The following MED12L variants were observed in gnomAD, a reference collection of about 807,000 sequenced individuals.
MED12L encodes mediator of RNA polymerase II transcription subunit 12-like protein.
A neutral mutation model predicts 281.3 loss-of-function variants in MED12L; 60 were observed. The observed-to-expected ratio is 0.21, with a 90% CI of 0.17 to 0.26. The LOEUF (loss-of-function observed/expected upper bound fraction) is 0.26. Among genes scored for constraint, MED12L ranks in the 10% least tolerant of loss-of-function variants. The probability of loss-of-function intolerance (pLI) is 1.00; values close to 1 mark genes in which losing one functional copy is unlikely to be tolerated. For synonymous variants in MED12L, 974 were observed against 987.2 expected (o/e 0.99, Z 0.25); for missense variants, 2,146 against 2,680.9 (o/e 0.80, Z 4.41).
At chr3:151,236,071 A>G (rs1732716896) in intron 16 of MED12L, among the ~76,000 whole-genome samples, 1 of 152,180 alleles carries the variant, frequency 6.6e-6, no homozygotes, top group Admixed American at 6.5e-5. Flanking sequence ...TCTTACATAC[A>G]GCCCTTCTTA....
chr3:151,294,714 T>A (rs949534768), intron 16 of MED12L: 1 of 1,614,190 alleles, frequency 6.2e-7, no homozygotes, highest in Non-Finnish European at 8.5e-7. Context: ...TTTGTTAGGA[T>A]GATGTTTGGC....
rs1713980259 is a variant in MED12L, at chr3:151,389,995, A to G, written c.5468A>G (p.Asn1823Ser). 1.2e-6 allele frequency: 2 copies of G among 1,614,144 alleles called. No individual in the cohort carries two copies. The highest frequency in any genetic ancestry group is 1.1e-5 in the South Asian group (1 of 91,088). Residue 1823 changes from asparagine to serine, a missense_variant, in exon 38 of 45, where the codon AAC (asparagine) becomes AGC (serine). Physicochemically the swap from Asn to Ser is conservative, Grantham distance 46 (BLOSUM62 1). Around this residue, in one of 9 missense-constraint regions of MED12L, gnomAD observed 496 missense variants for 512.0 expected, o/e 0.97. Transcript: ENST00000687756. ...SSRVDEYPQSNIYRVPPNYSP... is the reference protein window; with the variant it reads ...SSRVDEYPQSSIYRVPPNYSP... ...ATGTTGAAGGAATATCCACAGAGCA[A>G]CATATACCGAGTGCCTCCTAATTAC...
intron 38 of MED12L, among the ~76,000 whole-genome samples, chr3:151,390,336 CTTTTA>C (rs1366108870): frequency 1.3e-5 from 2 of 152,162 alleles, no homozygotes; most frequent in African/African-American, 4.8e-5. Flanking sequence ...GATTTTGGAA[CTTTTA>C]TTTAGTGTTA....
At chr3:151,171,394 G>A (rs1721412150) in intron 11 of MED12L, among the ~76,000 whole-genome samples, 1 of 152,158 alleles carries the variant, frequency 6.6e-6, no homozygotes, top group African/African-American at 2.4e-5. Flanking sequence ...GGTGCCTCAA[G>A]GACATGGATA....
chr3:151,328,375 A>G, intron 16 of MED12L: 1 of 1,613,500 alleles, frequency 6.2e-7, no homozygotes, highest in Non-Finnish European at 8.5e-7. Flanking sequence ...TAACCACATA[A>G]AACACAAGCA....
At chr3:151,368,880 G>C (rs938604919) in intron 25 of MED12L, among the ~76,000 whole-genome samples, 1 of 150,370 alleles carries the variant, frequency 6.7e-6, no homozygotes, top group African/African-American at 2.5e-5. Flanking sequence ...TCTTGCCTCA[G>C]CCTCTCAAGT....
chr3:151,335,626 C>A (rs1750879015), intron 16 of MED12L, among the ~76,000 whole-genome samples: 1 of 152,128 alleles, frequency 6.6e-6, no homozygotes, highest in Admixed American at 6.5e-5. Flanking sequence ...AAGTAAAACT[C>A]ACTGTGAAAT....
chr3:151,142,766 C>A (rs2148873748), intron 5 of MED12L, among the ~76,000 whole-genome samples: 1 of 149,668 alleles, frequency 6.7e-6, no homozygotes, highest in African/African-American at 2.5e-5. Context: ...AAGCTAGGTT[C>A]TTTATTTTTG....
At chr3:151,414,688 A>C (rs1250581504) in intron 42 of MED12L, among the ~76,000 whole-genome samples, 1 of 138,032 alleles carries the variant, frequency 7.2e-6, no homozygotes, top group Non-Finnish European at 1.5e-5. Flanking sequence ...TTCCATCCCA[A>C]TTTGTGACCT....
intron 16 of MED12L, chr3:151,213,918 C>T: frequency 6.2e-7 from 1 of 1,614,162 alleles, no homozygotes; most frequent in Non-Finnish European, 8.5e-7. Flanking sequence ...AACTCACTGA[C>T]TGGATGAAAG....
At chr3:151,338,879 A>T in intron 16 of MED12L, 1 of 1,604,372 alleles carries the variant, frequency 6.2e-7, no homozygotes, top group Non-Finnish European at 8.5e-7. Flanking sequence ...AAAAGAGAGG[A>T]TGGTTATTTT....
At chr3:151,147,515 C>G (rs1438385152) in intron 5 of MED12L, among the ~76,000 whole-genome samples, 2 of 152,228 alleles carry the variant, frequency 1.3e-5, no homozygotes, top group Admixed American at 1.3e-4. Flanking sequence ...TGAGCAGTCA[C>G]TCCCCATTTG....
intron 8 of MED12L, 130 bp from the exon 9 acceptor site, chr3:151,163,763 A>C: frequency 1.2e-6 from 1 of 855,950 alleles, no homozygotes; most frequent in Non-Finnish European, 1.7e-6. Context: ...GGGGTAAGAC[A>C]CTCTCGTATT....
chr3:151,242,442 G>A (rs2149388910), intron 16 of MED12L, among the ~76,000 whole-genome samples: 1 of 152,322 alleles, frequency 6.6e-6, no homozygotes, highest in East Asian at 1.9e-4. Context: ...CCGGCAGACT[G>A]CCTCCTCAAG....
At chr3:151,414,392 C>T (rs1420091123) in intron 42 of MED12L, among the ~76,000 whole-genome samples, 1 of 152,200 alleles carries the variant, frequency 6.6e-6, no homozygotes, top group Non-Finnish European at 1.5e-5. Context: ...CTGGAGTGCC[C>T]AAGGGCTGTA....
In MED12L at chr3:151,116,446, A is replaced by T. The variant is rs764815126; in HGVS notation, c.204+4A>T. On this transcript the variant is annotated splice_donor_region_variant and intron_variant, in intron 3 of 44. Coordinates refer to ENST00000687756, the MANE Select transcript of MED12L (RefSeq NM_001393769.1). ...TATTGTAATTAACCCATCAAAGGTA[A>T]TGTTATTTGTTTGTTTCCTCAAACT... The T allele has an allele frequency of 1.6e-5, 25 of 1,592,488 alleles. No individual in the cohort carries two copies. In the South Asian group the frequency reaches 2.8e-4, roughly 18 times the overall value.
intron 16 of MED12L, among the ~76,000 whole-genome samples, chr3:151,276,360 T>C (rs908574862): frequency 2.0e-5 from 3 of 152,244 alleles, no homozygotes; most frequent in Non-Finnish European, 4.4e-5. Context: ...CTTGTACTGA[T>C]ATAATTTTCA....
At chr3:151,224,785 A>G (rs987099237) in intron 16 of MED12L, among the ~76,000 whole-genome samples, 2 of 152,000 alleles carry the variant, frequency 1.3e-5, no homozygotes, top group Non-Finnish European at 2.9e-5. Flanking sequence ...CAGTTATCCT[A>G]TTTCCTGACC....
rs551114300 is a variant in MED12L, at chr3:151,372,548, T to A, written c.3665-19T>A. ...ATTTTGAACTTCTGTGATTTTGCTTTTGTGATTCTATTACTTAGGAGATGC... is the reference window on the plus strand; with the variant it reads ...ATTTTGAACTTCTGTGATTTTGCTTATGTGATTCTATTACTTAGGAGATGC... On this transcript the variant is annotated intron_variant, in intron 26 of 44. Transcript: ENST00000687756. The A allele has an allele frequency of 4.4e-6, 7 of 1,605,742 alleles. No individual in the cohort carries two copies. Among genetic ancestry groups the A allele is most frequent in the African/African-American group, 4.0e-5 (3 of 74,870 alleles).
Sources: allele counts gnomAD v4.1 joint callset (sites outside exome capture counted in the v4.1 genomes callset), GRCh38; gene constraint gnomAD v4.1.1; regional missense constraint gnomAD v4.1.1; transcripts MANE v1.5; gene names NCBI Gene and HGNC (gene_info 2026-07-23, HGNC 2026-07-21).